RBFOX1: variants seen among roughly 807,000 people sequenced by gnomAD.
The protein encoded by RBFOX1 is RNA binding protein fox-1 homolog 1.
A neutral mutation model predicts 57.7 loss-of-function variants in RBFOX1; 8 were observed. The ratio of observed to expected loss-of-function variants is 0.14; its 90% CI spans 0.08 to 0.25. RBFOX1 has a LOEUF of 0.25. RBFOX1 is among the 10% of genes least tolerant of loss of function. RBFOX1 has a pLI of 1.00. For synonymous variants in RBFOX1, 326 were observed against 222.4 expected (o/e 1.47, Z -4.15); for missense variants, 611 against 548.5 (o/e 1.11, Z -1.14).
intron 3 of RBFOX1, among the ~76,000 whole-genome samples, chr16:6,740,568 C>A (rs75279651): frequency 0.088 from 13,386 of 152,132 alleles, 720 homozygotes; most frequent in East Asian, 0.16. Context: ...ATCACATTGC[C>A]AAAAACAGTT....
intron 4 of RBFOX1, among the ~76,000 whole-genome samples, chr16:7,413,266 A>T (rs73552540): frequency 0.024 from 3,654 of 151,988 alleles, 148 homozygotes; most frequent in African/African-American, 0.084. Flanking sequence ...CTCAACACTG[A>T]TTCTCGCCTG....
intron 3 of RBFOX1, among the ~76,000 whole-genome samples, chr16:6,790,469 G>C (rs1342719420): frequency 6.6e-6 from 1 of 152,126 alleles, no homozygotes; most frequent in Non-Finnish European, 1.5e-5. Context: ...ACAGGCGTGA[G>C]GCACTGGGCA....
intron 14 of RBFOX1, among the ~76,000 whole-genome samples, chr16:7,677,407 A>G (rs1028400042): frequency 1.3e-5 from 2 of 152,194 alleles, no homozygotes; most frequent in African/African-American, 4.8e-5. Context: ...CCAATCCTAC[A>G]AACATAAGCC....
chr16:7,077,160 C>T (rs944897729), intron 4 of RBFOX1, among the ~76,000 whole-genome samples: 1 of 152,104 alleles, frequency 6.6e-6, no homozygotes, highest in Non-Finnish European at 1.5e-5. Context: ...GGGAATTATT[C>T]CTCTGAATAA....
intron 2 of RBFOX1, among the ~76,000 whole-genome samples, chr16:6,356,368 A>G (rs1397115941): frequency 6.6e-6 from 1 of 152,176 alleles, no homozygotes; most frequent in African/African-American, 2.4e-5. Flanking sequence ...ACCCCAGGAG[A>G]TTGAGGCTGC....
chr16:7,240,990 A>G lies in RBFOX1; in HGVS notation c.27+188892A>G, dbSNP rs935515508. ...CTTTTCCCCCACACCTTCCCAAACAATTCTCTTAATATACAACAATATCTG... is the reference window on the plus strand; with the variant it reads ...CTTTTCCCCCACACCTTCCCAAACAGTTCTCTTAATATACAACAATATCTG... On this transcript the variant is annotated intron_variant, in intron 4 of 15. Coordinates refer to ENST00000550418, the MANE Select transcript of RBFOX1 (RefSeq NM_018723.4). 1.1e-4 allele frequency among the ~76,000 whole-genome samples: 17 copies of G among 152,218 alleles called. 1 individual carries two copies. Among genetic ancestry groups the G allele is most frequent in the African/African-American group, 1.7e-4 (7 of 41,464 alleles).
chr16:7,669,419 C>T (rs1356030924), intron 13 of RBFOX1, among the ~76,000 whole-genome samples: 2 of 152,176 alleles, frequency 1.3e-5, no homozygotes, highest in East Asian at 3.9e-4. Flanking sequence ...CGGATAGAAA[C>T]TGGAATAACA....
chr16:7,328,089 C>A (rs1289941213), intron 4 of RBFOX1, among the ~76,000 whole-genome samples: 1 of 152,156 alleles, frequency 6.6e-6, no homozygotes, highest in Non-Finnish European at 1.5e-5. Context: ...AGTCTGGTGT[C>A]AAACTCCTGG....
chr16:5,804,594 G>A (rs559716722), intron 3 of RBFOX1, among the ~76,000 whole-genome samples: 2 of 152,222 alleles, frequency 1.3e-5, no homozygotes, highest in African/African-American at 4.8e-5. Flanking sequence ...AGGTGAAGGG[G>A]ACCTGCCCTC....
intron 4 of RBFOX1, among the ~76,000 whole-genome samples, chr16:7,123,473 T>C (rs997132325): frequency 1.3e-5 from 2 of 152,188 alleles, no homozygotes; most frequent in African/African-American, 4.8e-5. Context: ...CAGGTGATCC[T>C]CCTGCCTTAG....
chr16:6,949,958 G>GTTT (rs1389718757), intron 3 of RBFOX1, among the ~76,000 whole-genome samples: 3 of 149,794 alleles, frequency 2.0e-5, no homozygotes, highest in South Asian at 4.2e-4. Context: ...TGTTGTTGTT[G>GTTT]TTTTTTGGTA....
At chr16:6,491,355 C>G (rs2095629080) in intron 2 of RBFOX1, among the ~76,000 whole-genome samples, 3 of 152,034 alleles carry the variant, frequency 2.0e-5, no homozygotes, top group Admixed American at 2.0e-4. Flanking sequence ...ATAAAGATAA[C>G]TAGTGATAAA....
At chr16:6,604,745 A>G (rs937938551) in intron 2 of RBFOX1, among the ~76,000 whole-genome samples, 28 of 152,212 alleles carry the variant, frequency 1.8e-4, no homozygotes, top group Admixed American at 5.2e-4. Context: ...CTACAATTCA[A>G]TAGGAATATA....
At chr16:6,520,899 C>G (rs186059199) in intron 2 of RBFOX1, among the ~76,000 whole-genome samples, 112 of 152,124 alleles carry the variant, frequency 7.4e-4, no homozygotes, top group Middle Eastern at 3.4e-3. Flanking sequence ...AGAAAAAAAT[C>G]CAATAAAATT....
At chr16:7,447,411 C>T (rs1308741682) in intron 4 of RBFOX1, among the ~76,000 whole-genome samples, 1 of 129,950 alleles carries the variant, frequency 7.7e-6, no homozygotes, top group Non-Finnish European at 1.6e-5. Context: ...CCAGGCTGGC[C>T]AACCGAGTGA....
chr16:6,428,340 T>C (rs775959823), intron 2 of RBFOX1, among the ~76,000 whole-genome samples: 26 of 150,930 alleles, frequency 1.7e-4, no homozygotes, highest in Admixed American at 4.0e-4. Context: ...ATTCCATACA[T>C]TGACTATTAC....
At chr16:7,156,335 A>G (rs1422913396) in intron 4 of RBFOX1, among the ~76,000 whole-genome samples, 2 of 151,392 alleles carry the variant, frequency 1.3e-5, no homozygotes, top group African/African-American at 2.5e-5. Flanking sequence ...CAGCATATGT[A>G]TATACATATC....
At chr16:7,178,868 C>T (rs1246815179) in intron 4 of RBFOX1, among the ~76,000 whole-genome samples, 1 of 152,066 alleles carries the variant, frequency 6.6e-6, no homozygotes, top group East Asian at 1.9e-4. Flanking sequence ...TCTTTACTTC[C>T]TGTACTGATC....
intron 4 of RBFOX1, among the ~76,000 whole-genome samples, chr16:7,111,931 A>G (rs184656761): frequency 3.3e-5 from 5 of 152,144 alleles, no homozygotes; most frequent in Admixed American, 6.5e-5. Flanking sequence ...CTCATTCACA[A>G]TTGATAAGCT....
Sources: gnomAD v4.1 joint callset for allele counts (sites outside exome capture counted in the v4.1 genomes callset) on GRCh38, gnomAD v4.1.1 for gene constraint, MANE v1.5 for transcripts, NCBI Gene and HGNC (gene_info 2026-07-23, HGNC 2026-07-21) for gene names.